ADAM18: variants seen among roughly 807,000 people sequenced by gnomAD.
ADAM18 encodes ADAM metallopeptidase domain 18.
A neutral mutation model predicts 94.4 loss-of-function variants in ADAM18; 117 were observed. The ratio of observed to expected loss-of-function variants is 1.24; its 90% confidence interval spans 1.07 to 1.45. The LOEUF is 1.45. ADAM18 is among the 40% of genes most tolerant of loss of function. ADAM18 has a pLI of 0.00. For missense variants in ADAM18, 936 were observed against 880.0 expected (o/e 1.06, Z -0.81); for synonymous variants, 327 against 291.6 (o/e 1.12, Z -1.24).
intron 10 of ADAM18, among the ~76,000 whole-genome samples, chr8:39,642,433 G>C (rs1820261653): frequency 6.6e-6 from 1 of 151,964 alleles, no homozygotes; most frequent in Non-Finnish European, 1.5e-5. Context: ...GTTAACTTTT[G>C]TGTATGGTAT....
chr8:39,723,767 A>T lies in ADAM18; in HGVS notation c.2037A>T (p.Lys679Asn), dbSNP rs144514064. 16 of 1,526,032 alleles carry T rather than the reference A, an allele frequency of 1.0e-5. No individual in the cohort carries two copies. The African/African-American group carries it at 1.7e-4, about 16-fold the overall frequency. The allele number at this position is 1,526,032 out of a possible 1,614,324, so 94.5% of individuals were successfully genotyped here. A position where few individuals can be genotyped will look rare whatever the true frequency, so the allele number is the denominator to read the frequency against. ...TTCTAGGTGACTTTTATACTGAAAA[A>T]GGCTACAATACACACTGGAACAACT... ...FQKSGDFYTE[K>N]GYNTHWNNWF... The change falls in exon 19 of 20, where the codon AAA becomes AAT. Residue 679 changes from lysine to asparagine, a missense_variant. Physicochemically the swap from Lys to Asn is moderately conservative, Grantham distance 94 (BLOSUM62 0). Transcript: ENST00000265707.
intron 16 of ADAM18, chr8:39,685,153 A>C (rs1821575905): frequency 6.6e-6 from 1 of 152,288 alleles, no homozygotes. Flanking sequence ...CTACAATGAC[A>C]GTTCTCTGCC....
intron 15 of ADAM18, among the ~76,000 whole-genome samples, 173 bp downstream of exon 15, chr8:39,677,709 C>A (rs78915181): frequency 9.9e-4 from 150 of 152,048 alleles, no homozygotes; most frequent in African/African-American, 3.4e-3. Flanking sequence ...CCCTTGATAT[C>A]ATCCTAAAAA....
intron 2 of ADAM18, 129 bp from the exon 3 acceptor site, chr8:39,606,178 G>T: frequency 1.7e-6 from 1 of 572,178 alleles, no homozygotes; most frequent in Non-Finnish European, 3.0e-6. Context: ...TTACTATTTA[G>T]AATAATAAAT....
At chr8:39,648,861 T>C (rs1316660748) in intron 12 of ADAM18, among the ~76,000 whole-genome samples, 1 of 152,160 alleles carries the variant, frequency 6.6e-6, no homozygotes, top group Non-Finnish European at 1.5e-5. Context: ...CTACAAACTT[T>C]TACTAAATGT....
chr8:39,686,206 A>AT (rs1821601985), intron 16 of ADAM18, among the ~76,000 whole-genome samples: 1 of 152,084 alleles, frequency 6.6e-6, no homozygotes, highest in Non-Finnish European at 1.5e-5. Context: ...ATCTTTAGGT[A>AT]TTTTTTATGG....
intron 6 of ADAM18, among the ~76,000 whole-genome samples, chr8:39,624,830 G>A (rs1003768404): frequency 3.5e-4 from 53 of 152,170 alleles, no homozygotes; most frequent in Admixed American, 3.5e-3. Flanking sequence ...CTCCGTCCAT[G>A]TAAGACATGC....
rs111252141 is a variant in ADAM18 at position 39,584,709 on chromosome 8, C to T, written c.55+32C>T. 4.5e-5 allele frequency: 73 copies of T among 1,607,722 alleles called. 1 individual carries two copies. Among genetic ancestry groups the T allele is most frequent in the African/African-American group, 4.3e-4 (32 of 74,976 alleles). ...CCATGGGAGCCTCCCCTTTCTTCTT[C>T]GACTTTATAGCTGGGCTGGGCTCTT... is the stretch of plus-strand genomic sequence containing the variant. On this transcript the variant is annotated intron_variant, in intron 1 of 19. Transcript: ENST00000265707.
At chr8:39,627,040 G>A (rs1017257267) in intron 6 of ADAM18, among the ~76,000 whole-genome samples, 1 of 151,964 alleles carries the variant, frequency 6.6e-6, no homozygotes, top group South Asian at 2.1e-4. Context: ...TCTTTTCATA[G>A]GACTAGTAGT....
At chr8:39,718,771 C>A (rs951134512) in intron 18 of ADAM18, among the ~76,000 whole-genome samples, 1 of 151,298 alleles carries the variant, frequency 6.6e-6, no homozygotes, top group Admixed American at 6.6e-5. Context: ...AAAATACTTG[C>A]AAATAAATTT....
rs968536231 is a variant in ADAM18 at position 39,585,169 on chromosome 8, T to C, written c.56-107T>C. The C allele has an allele frequency of 1.6e-5, 12 of 762,404 alleles. 1 individual carries two copies. In the East Asian group the frequency reaches 2.7e-4, roughly 17 times the overall value. 47.2% of individuals were successfully genotyped at this position (762,404 alleles called of 1,614,324 possible). A position where few individuals can be genotyped will look rare whatever the true frequency, so the allele number is the denominator to read the frequency against. ...TGTGAGCACATGAGAGAACTTCTAC[T>C]TAAAATTTTAGGCGCCACCATGCAG... On this transcript the variant is annotated intron_variant, in intron 1 of 19. Transcript: ENST00000265707.
At chr8:39,700,244 A>G (rs1053781232) in intron 17 of ADAM18, among the ~76,000 whole-genome samples, 2 of 152,218 alleles carry the variant, frequency 1.3e-5, no homozygotes, top group Non-Finnish European at 1.5e-5. Flanking sequence ...AATAAAAAAG[A>G]ATGTTGTTGA....
intron 15 of ADAM18, 54 bp downstream of exon 15, chr8:39,677,590 A>T (rs1821334505): frequency 7.5e-7 from 1 of 1,337,784 alleles, no homozygotes; most frequent in Middle Eastern, 2.4e-4. Context: ...ATGTATTTTT[A>T]TCAAGAGACA....
At chr8:39,724,685 C>T (rs1347701102) in intron 19 of ADAM18, among the ~76,000 whole-genome samples, 1 of 151,798 alleles carries the variant, frequency 6.6e-6, no homozygotes, top group Non-Finnish European at 1.5e-5. Flanking sequence ...TTTTCTGATA[C>T]AGGCATTTAA....
At chr8:39,592,749 T>C (rs1279713937) in intron 2 of ADAM18, among the ~76,000 whole-genome samples, 2 of 152,098 alleles carry the variant, frequency 1.3e-5, no homozygotes, top group Non-Finnish European at 2.9e-5. Flanking sequence ...GAGTGATGGG[T>C]ACACTAGAAG....
intron 6 of ADAM18, among the ~76,000 whole-genome samples, chr8:39,626,236 A>G (rs997539460): frequency 2.0e-5 from 3 of 151,982 alleles, no homozygotes; most frequent in Non-Finnish European, 4.4e-5. Context: ...GATCTTTTAT[A>G]TTTCTGTGAT....
At chr8:39,636,226 T>C (rs776554948) in intron 7 of ADAM18, among the ~76,000 whole-genome samples, 10 of 152,096 alleles carry the variant, frequency 6.6e-5, no homozygotes, top group Non-Finnish European at 1.3e-4. Context: ...CTCACCATGT[T>C]GTCCACGCCT....
chr8:39,700,639 T>C (rs1387740420), intron 17 of ADAM18, among the ~76,000 whole-genome samples: 1 of 152,128 alleles, frequency 6.6e-6, no homozygotes, highest in Non-Finnish European at 1.5e-5. Context: ...GAGTATAACA[T>C]GACATGAAAA....
chr8:39,632,546 C>CAAT (rs1819957879), intron 7 of ADAM18, among the ~76,000 whole-genome samples: 1 of 151,972 alleles, frequency 6.6e-6, no homozygotes, highest in African/African-American at 2.4e-5. Context: ...TACAAGTAAC[C>CAAT]TGATCTTTTA....
Sources: allele counts gnomAD v4.1 joint callset (sites outside exome capture counted in the v4.1 genomes callset), GRCh38; gene constraint gnomAD v4.1.1; transcripts MANE v1.5; gene names NCBI Gene and HGNC (gene_info 2026-07-23, HGNC 2026-07-21).